ST3GAL4: variants seen among roughly 807,000 people sequenced by gnomAD.
The protein encoded by ST3GAL4 is CMP-N-acetylneuraminate-beta-galactosamide-alpha-2,3-sialyltransferase 4.
In ST3GAL4, 24 loss-of-function variants were observed where a neutral mutation model predicts 42.6. The observed-to-expected ratio is 0.56, with a 90% CI of 0.41 to 0.79. The LOEUF (loss-of-function observed/expected upper bound fraction) is 0.79. Among genes scored for constraint, ST3GAL4 ranks in the 30% least tolerant of loss-of-function variants. The pLI is 0.00. For synonymous variants in ST3GAL4, 135 were observed against 163.2 expected (o/e 0.83, Z 1.32); for missense variants, 311 against 430.8 (o/e 0.72, Z 2.46).
intron 5 of ST3GAL4, 84 bp downstream of exon 5, chr11:126,407,433 C>A: frequency 6.4e-7 from 1 of 1,566,558 alleles, no homozygotes; most frequent in Non-Finnish European, 8.8e-7. Flanking sequence ...GGCCCCAGTG[C>A]CCAAGTTCTG....
rs534282248 is a variant in ST3GAL4, at chr11:126,384,398, G to A, written c.-60-21698G>A. On this transcript the variant is annotated intron_variant, in intron 1 of 10. Coordinates refer to ENST00000444328, the MANE Select transcript of ST3GAL4 (RefSeq NM_001254757.2). The surrounding 1 kb of genome is among the most constrained non-coding windows in gnomAD (Gnocchi z 5.5). ...GTGGCACCTGTGTAGGGACTCCAGG[G>A]CTGAACGTTGCCTTTGCTGTCCCTG... is the stretch of plus-strand genomic sequence containing the variant. 6.6e-5 allele frequency among the ~76,000 whole-genome samples: 10 copies of A among 152,116 alleles called. No homozygotes were observed. Among genetic ancestry groups the A allele is most frequent in the Non-Finnish European group, 1.5e-4 (10 of 68,024 alleles).
intron 1 of ST3GAL4, among the ~76,000 whole-genome samples, chr11:126,372,685 GGA>G (rs1202758196): frequency 2.0e-5 from 3 of 152,016 alleles, no homozygotes; most frequent in Non-Finnish European, 4.4e-5. Flanking sequence ...CAATGTGCTG[GGA>G]TTAAAGGTGT....
chr11:126,396,801 T>G lies in ST3GAL4; in HGVS notation c.-60-9295T>G, dbSNP rs1225255918. On this transcript the variant is annotated intron_variant, in intron 1 of 10. Coordinates refer to ENST00000444328, the MANE Select transcript of ST3GAL4 (RefSeq NM_001254757.2). This position sits in a 1 kb window ranked among gnomAD's most constrained non-coding sequence, Gnocchi z 5.8. ...CACGAGCTGTACAACCTGGGCCGGT[T>G]ACTGACCCCTTTCCCACCTTAGTTC... Among the ~76,000 whole-genome samples the G allele has an allele frequency of 1.3e-5, 2 of 151,532 alleles. No individual in the cohort carries two copies. The highest frequency in any genetic ancestry group is 2.9e-5 in the Non-Finnish European group (2 of 67,946).
chr11:126,400,006 T>C lies in ST3GAL4; in HGVS notation c.-60-6090T>C, dbSNP rs1005628561. 6.6e-6 allele frequency among the ~76,000 whole-genome samples: 1 copy of C among 152,062 alleles called. No homozygotes were observed. The highest frequency in any genetic ancestry group is 1.5e-5 in the Non-Finnish European group (1 of 67,992). ...TGCCTGCCTGCCTCCCTCCCTCCCT[T>C]CCTTCTTTCCTCTCTGCTCTCTCTC... On this transcript the variant is annotated intron_variant, in intron 1 of 10. Coordinates refer to ENST00000444328, the MANE Select transcript of ST3GAL4 (RefSeq NM_001254757.2). The surrounding 1 kb of genome is among the most constrained non-coding windows in gnomAD (Gnocchi z 4.6).
At chr11:126,375,342 G>T (rs1019287437) in intron 1 of ST3GAL4, among the ~76,000 whole-genome samples, 1 of 152,216 alleles carries the variant, frequency 6.6e-6, no homozygotes, top group Non-Finnish European at 1.5e-5. Flanking sequence ...CTTCGTCACT[G>T]TGCGGAGCCT....
At chr11:126,367,685 G>A (rs752400511) in intron 1 of ST3GAL4, among the ~76,000 whole-genome samples, 1 of 152,202 alleles carries the variant, frequency 6.6e-6, no homozygotes, top group Non-Finnish European at 1.5e-5. Flanking sequence ...GGTGCATAGA[G>A]TGTAGGGATT....
At position 126,411,426 on chromosome 11, in the gene ST3GAL4, C is replaced by G. The variant is rs1954520618; in HGVS notation, c.771+2015C>G. On this transcript the variant is annotated intron_variant, in intron 9 of 10. Coordinates refer to ENST00000444328, the MANE Select transcript of ST3GAL4 (RefSeq NM_001254757.2). The surrounding 1 kb of genome is among the most constrained non-coding windows in gnomAD (Gnocchi z 6.3). ...GTGCTGGGATTACAGGTGTGAGCCA[C>G]TGCGCCTGGCCTGTATTAGCTTTCT... 6.6e-6 allele frequency among the ~76,000 whole-genome samples: 1 copy of G among 152,182 alleles called. No individual in the cohort carries two copies. Among genetic ancestry groups the G allele is most frequent in the South Asian group, 2.1e-4 (1 of 4,830 alleles).
In ST3GAL4 at chr11:126,409,510, G is replaced by A; in HGVS notation, c.771+99G>A. 1 of 1,525,334 alleles carries A rather than the reference G, an allele frequency of 6.6e-7. No homozygotes were observed. Among genetic ancestry groups the A allele is most frequent in the Non-Finnish European group, 8.9e-7 (1 of 1,120,122 alleles). 94.5% of individuals were successfully genotyped at this position (1,525,334 alleles called of 1,614,324 possible). On this transcript the variant is annotated intron_variant, in intron 9 of 10. Coordinates refer to ENST00000444328, the MANE Select transcript of ST3GAL4 (RefSeq NM_001254757.2). The surrounding 1 kb of genome is among the most constrained non-coding windows in gnomAD (Gnocchi z 4.9). ...GAAGCCCTGGAAGGATCCCATAACA[G>A]AGGCGGCGGTTTGCATTTTCCCTCC...
rs1352488521 is a variant in ST3GAL4, at chr11:126,411,508, G to C, written c.772-1997G>C. The stretch of plus-strand genomic sequence containing the variant: ...CGGCTAAAACAATACCCATGTACTG[G>C]CTCATGGTCCTGTAGATCAGAACAG... On this transcript the variant is annotated intron_variant, in intron 9 of 10. Transcript: ENST00000444328. This position sits in a 1 kb window ranked among gnomAD's most constrained non-coding sequence, Gnocchi z 6.3. Among the ~76,000 whole-genome samples the C allele has an allele frequency of 2.0e-5, 3 of 152,072 alleles. No homozygotes were observed. Among genetic ancestry groups the C allele is most frequent in the Non-Finnish European group, 4.4e-5 (3 of 68,016 alleles).
At chr11:126,385,245 C>T (rs1338888871) in intron 1 of ST3GAL4, among the ~76,000 whole-genome samples, 2 of 151,268 alleles carry the variant, frequency 1.3e-5, no homozygotes, top group Admixed American at 6.6e-5. Flanking sequence ...AGCTCTGCCT[C>T]CCGGGTTCAC....
chr11:126,378,709 G>C lies in ST3GAL4; in HGVS notation c.-61+22867G>C, dbSNP rs1220612125. On this transcript the variant is annotated intron_variant, in intron 1 of 10. Coordinates refer to ENST00000444328, the MANE Select transcript of ST3GAL4 (RefSeq NM_001254757.2). The surrounding 1 kb of genome is among the most constrained non-coding windows in gnomAD (Gnocchi z 5.3). The stretch of plus-strand genomic sequence containing the variant: ...TCTTTCCAAATATGACCTGAGCATT[G>C]ATCTGTCCAATAAGCAAGACTGTTA... Among the ~76,000 whole-genome samples, 6 of 152,162 alleles carry C rather than the reference G, an allele frequency of 3.9e-5. No homozygotes were observed. The highest frequency in any genetic ancestry group is 8.8e-5 in the Non-Finnish European group (6 of 68,026).
rs747313468 is a variant in ST3GAL4 at position 126,376,150 on chromosome 11, C to CAT, written c.-61+20311_-61+20312dup. On this transcript the variant is annotated intron_variant, in intron 1 of 10. Transcript: ENST00000444328. This position sits in a 1 kb window ranked among gnomAD's most constrained non-coding sequence, Gnocchi z 5.1. ...TACGAAATTACATTATATCATAGAG[C>CAT]ATATTCTATAGTAAGTTACTCCGAT... Among the ~76,000 whole-genome samples the CAT allele has an allele frequency of 7.2e-5, 11 of 152,068 alleles. No individual in the cohort carries two copies. The highest frequency in any genetic ancestry group is 8.8e-5 in the Non-Finnish European group (6 of 68,010).
In ST3GAL4 at chr11:126,384,980, A is replaced by G; in HGVS notation, c.-60-21116A>G. 1 of 912,530 alleles carries G rather than the reference A, an allele frequency of 1.1e-6. No homozygotes were observed. Among genetic ancestry groups the G allele is most frequent in the Non-Finnish European group, 1.3e-6 (1 of 763,396 alleles). 56.5% of individuals were successfully genotyped at this position (912,530 alleles called of 1,614,324 possible). A position where few individuals can be genotyped will look rare whatever the true frequency, so the allele number is the denominator to read the frequency against. On this transcript the variant is annotated intron_variant, in intron 1 of 10. Coordinates refer to ENST00000444328, the MANE Select transcript of ST3GAL4 (RefSeq NM_001254757.2). The surrounding 1 kb of genome is among the most constrained non-coding windows in gnomAD (Gnocchi z 5.5). ...GGACCAGGTGTCGCTGGCACCTTCC[A>G]CGTCCTGAGTGCTTGTTCTGTGCCC...
At chr11:126,374,458 A>C (rs1335112971) in intron 1 of ST3GAL4, among the ~76,000 whole-genome samples, 1 of 148,642 alleles carries the variant, frequency 6.7e-6, no homozygotes, top group African/African-American at 2.5e-5. Flanking sequence ...TGTCTCCAAA[A>C]AAAAAAAAAA....
At position 126,359,048 on chromosome 11, in the gene ST3GAL4, G is replaced by T. The variant is rs1279717761; in HGVS notation, c.-61+3206G>T. On this transcript the variant is annotated intron_variant, in intron 1 of 10. Coordinates refer to ENST00000444328, the MANE Select transcript of ST3GAL4 (RefSeq NM_001254757.2). This position sits in a 1 kb window ranked among gnomAD's most constrained non-coding sequence, Gnocchi z 4.8. The stretch of plus-strand genomic sequence containing the variant: ...TGCAGCTCATTCAAGCCTGTGCATG[G>T]GGGTTGGGGTCCTCAGGATCTTGCT... Among the ~76,000 whole-genome samples, 1 of 152,144 alleles carries T rather than the reference G, an allele frequency of 6.6e-6. No homozygotes were observed. Among genetic ancestry groups the T allele is most frequent in the East Asian group, 1.9e-4 (1 of 5,190 alleles).
intron 1 of ST3GAL4, chr11:126,403,494 G>A (rs530927106): frequency 5.1e-6 from 5 of 971,960 alleles, no homozygotes; most frequent in South Asian, 9.5e-5. Context: ...GAGGTACGGC[G>A]CTGATTTGTT....
At chr11:126,389,327 C>T (rs750820402) in intron 1 of ST3GAL4, among the ~76,000 whole-genome samples, 11 of 152,066 alleles carry the variant, frequency 7.2e-5, no homozygotes, top group Non-Finnish European at 1.0e-4. Flanking sequence ...TCTCATATGA[C>T]GTTAGATTTT....
chr11:126,368,304 C>T (rs779963791), intron 1 of ST3GAL4, among the ~76,000 whole-genome samples: 1 of 152,180 alleles, frequency 6.6e-6, no homozygotes, highest in African/African-American at 2.4e-5. Flanking sequence ...CAGTGACCAG[C>T]CTGGCCAATA....
rs1954253378 is a variant in ST3GAL4 at position 126,406,794 on chromosome 11, G to A, written c.102-149G>A. On this transcript the variant is annotated intron_variant, in intron 3 of 10. Coordinates refer to ENST00000444328, the MANE Select transcript of ST3GAL4 (RefSeq NM_001254757.2). This position sits in a 1 kb window ranked among gnomAD's most constrained non-coding sequence, Gnocchi z 5.4. ...GGGGCAGGAAGACCTGGATCCTCAA[G>A]GACTTGGGTTCCAAGTGGAACTTAA... 1 of 948,200 alleles carries A rather than the reference G, an allele frequency of 1.1e-6. No homozygotes were observed. Among genetic ancestry groups the A allele is most frequent in the Non-Finnish European group, 1.6e-6 (1 of 620,154 alleles). 58.7% of individuals were successfully genotyped at this position (948,200 alleles called of 1,614,324 possible). A position where few individuals can be genotyped will look rare whatever the true frequency, so the allele number is the denominator to read the frequency against.
Sources: gnomAD v4.1 joint callset for allele counts (sites outside exome capture counted in the v4.1 genomes callset) on GRCh38, gnomAD v4.1.1 for gene constraint, Gnocchi (gnomAD v3.1) non-coding constraint, MANE v1.5 for transcripts, NCBI Gene and HGNC (gene_info 2026-07-23, HGNC 2026-07-21) for gene names.